The following ADGRV1 variants were observed in gnomAD, a reference collection of about 807,000 sequenced individuals.
ADGRV1 encodes the protein G-protein coupled receptor 98.
ADGRV1 carries 359 observed loss-of-function variants against 596.2 expected under a neutral mutation model. The observed-to-expected ratio is 0.60, with a 90% CI of 0.55 to 0.66. ADGRV1 has a LOEUF of 0.66. Among genes scored for constraint, ADGRV1 ranks in the 30% least tolerant of loss-of-function variants. The pLI is 0.00. For missense variants in ADGRV1, 7,274 were observed against 7,575.6 expected, an observed-to-expected ratio of 0.96 and a Z score of 1.48; for synonymous variants, 2,681 against 2,679.2, an observed-to-expected ratio of 1.00 and a Z score of -0.02.
intron 83 of ADGRV1, among the ~76,000 whole-genome samples, chr5:90,944,833 A>T (rs1056432060): frequency 1.6e-4 from 25 of 152,200 alleles, no homozygotes; most frequent in Non-Finnish European, 5.9e-5. Flanking sequence ...GGACCTTTAA[A>T]TGCTGTCAAG....
At chr5:90,802,077 G>T (rs1761435828) in intron 70 of ADGRV1, among the ~76,000 whole-genome samples, 1 of 152,212 alleles carries the variant, frequency 6.6e-6, no homozygotes, top group African/African-American at 2.4e-5. Context: ...CTGACACTTT[G>T]CCAGAGTGCC....
intron 83 of ADGRV1, among the ~76,000 whole-genome samples, chr5:90,904,922 G>A (rs952518341): frequency 1.3e-5 from 2 of 151,828 alleles, no homozygotes; most frequent in Non-Finnish European, 2.9e-5. Flanking sequence ...TATATGGTAG[G>A]AGATAGGAGT....
intron 85 of ADGRV1, among the ~76,000 whole-genome samples, chr5:91,032,798 A>G (rs552375813): frequency 6.6e-6 from 1 of 152,278 alleles, no homozygotes; most frequent in South Asian, 2.1e-4. Flanking sequence ...ACATTGTTAT[A>G]TCTTCCAGGG....
chr5:90,595,054 G>A (rs1580383196), intron 1 of ADGRV1, among the ~76,000 whole-genome samples: 1 of 143,742 alleles, frequency 7.0e-6, no homozygotes, highest in Non-Finnish European at 1.5e-5. Flanking sequence ...CTTCCCAGTA[G>A]GGGCGGCCGG....
chr5:90,778,415 G>C lies in ADGRV1; in HGVS notation c.12667-12G>C, dbSNP rs780730703. The C allele has an allele frequency of 3.1e-6, 5 of 1,609,792 alleles. No individual in the cohort carries two copies. In the African/African-American group the frequency reaches 6.7e-5, roughly 22 times the overall value. On this transcript the variant is annotated splice_polypyrimidine_tract_variant and intron_variant, in intron 62 of 89. Coordinates refer to ENST00000405460, the MANE Select transcript of ADGRV1 (RefSeq NM_032119.4). ...CAGATTCTACTGTTGATGACTCTTTGTCTTTTTCTAGGCTTTGAACGATGA... is the reference window on the plus strand; with the variant it reads ...CAGATTCTACTGTTGATGACTCTTTCTCTTTTTCTAGGCTTTGAACGATGA...
chr5:90,675,093 T>C (rs1176890084), intron 23 of ADGRV1, 150 bp from the exon 24 acceptor site: 2 of 584,090 alleles, frequency 3.4e-6, no homozygotes, highest in Non-Finnish European at 6.0e-6. Context: ...AAAAGCATGT[T>C]AGTTAAATCT....
At chr5:90,596,593 GC>G (rs1400193189) in intron 1 of ADGRV1, among the ~76,000 whole-genome samples, 1 of 152,136 alleles carries the variant, frequency 6.6e-6, no homozygotes, top group Admixed American at 6.5e-5. Flanking sequence ...CTGGAGACCA[GC>G]CCGGCCAACA....
At chr5:90,614,606 A>G (rs995652070) in intron 1 of ADGRV1, 9 of 514,874 alleles carry the variant, frequency 1.7e-5, no homozygotes, top group African/African-American at 1.5e-4. Flanking sequence ...AGAAGCTAAA[A>G]AGCAAAAAGT....
At chr5:90,745,344 G>C (rs2438356) in intron 51 of ADGRV1, 79 bp downstream of exon 51, 1 of 983,874 alleles carries the variant, frequency 1.0e-6, no homozygotes, top group Middle Eastern at 3.3e-4. Flanking sequence ...GTCATTATTT[G>C]GTGACTGAAA....
At chr5:90,936,387 T>C (rs1479299000) in intron 83 of ADGRV1, among the ~76,000 whole-genome samples, 1 of 152,148 alleles carries the variant, frequency 6.6e-6, no homozygotes, top group Non-Finnish European at 1.5e-5. Flanking sequence ...TTTTTGCATC[T>C]CTTTAGGATT....
At chr5:91,080,815 A>G (rs1240318534) in intron 86 of ADGRV1, among the ~76,000 whole-genome samples, 2 of 152,172 alleles carry the variant, frequency 1.3e-5, no homozygotes, top group Non-Finnish European at 2.9e-5. Context: ...TATTTAGTAT[A>G]GTTCCTGAAA....
chr5:90,829,159 A>T lies in ADGRV1; in HGVS notation c.16584A>T (p.Leu5528=). ...TGGCCAGAGATTCTGGGACAGGACT[A>T]ATGATGTCTGTTAACTTTAGTACCC... ...LQVARDSGTG[L]MMSVNFSTQE... The change falls in exon 77 of 90, where the codon CTA becomes CTT. Residue 5528 remains leucine, a synonymous_variant. Transcript: ENST00000405460. 4 of 1,584,358 alleles carry T rather than the reference A, an allele frequency of 2.5e-6. No homozygotes were observed. Among genetic ancestry groups the T allele is most frequent in the Non-Finnish European group, 3.4e-6 (4 of 1,161,080 alleles).
intron 9 of ADGRV1, among the ~76,000 whole-genome samples, chr5:90,634,047 G>A (rs1171098799): frequency 6.6e-6 from 1 of 152,092 alleles, no homozygotes; most frequent in East Asian, 1.9e-4. Context: ...GCCTAACAGA[G>A]GGCTTTAAAG....
intron 14 of ADGRV1, 151 bp from the exon 15 acceptor site, chr5:90,644,555 T>C: frequency 1.7e-6 from 1 of 599,976 alleles, no homozygotes; most frequent in Non-Finnish European, 2.9e-6. Flanking sequence ...TATATTTTTA[T>C]ATGTACCTTA....
chr5:90,581,195 A>G (rs1039728396), intron 1 of ADGRV1, among the ~76,000 whole-genome samples: 4 of 152,150 alleles, frequency 2.6e-5, no homozygotes, highest in African/African-American at 9.6e-5. Flanking sequence ...GCGATAGGTT[A>G]GAACATGCTC....
At chr5:90,739,359 T>TA (rs995526585) in intron 50 of ADGRV1, among the ~76,000 whole-genome samples, 7 of 152,124 alleles carry the variant, frequency 4.6e-5, no homozygotes, top group South Asian at 2.1e-4. Context: ...TTCCCTGATT[T>TA]AAAAAAAATC....
intron 77 of ADGRV1, among the ~76,000 whole-genome samples, chr5:90,838,210 G>C (rs1055004227): frequency 6.6e-6 from 1 of 151,506 alleles, no homozygotes; most frequent in Non-Finnish European, 1.5e-5. Context: ...TTATTTTATC[G>C]TTACACTGCA....
chr5:90,567,984 C>T (rs955370180), intron 1 of ADGRV1, among the ~76,000 whole-genome samples: 4 of 152,034 alleles, frequency 2.6e-5, no homozygotes, highest in Non-Finnish European at 4.4e-5. Flanking sequence ...GTGATCCACC[C>T]GCCTCGGCCT....
intron 71 of ADGRV1, among the ~76,000 whole-genome samples, chr5:90,804,218 C>T (rs994608489): frequency 4.6e-5 from 7 of 152,072 alleles, no homozygotes; most frequent in African/African-American, 9.7e-5. Context: ...GCCTGGCCAA[C>T]GTGATAAAAC....
Sources: allele counts gnomAD v4.1 joint callset (sites outside exome capture counted in the v4.1 genomes callset), GRCh38; gene constraint gnomAD v4.1.1; transcripts MANE v1.5; gene names NCBI Gene and HGNC (gene_info 2026-07-23, HGNC 2026-07-21).